TRPV3: variants seen among roughly 807,000 people sequenced by gnomAD.
TRPV3 encodes VRL-3.
A neutral mutation model predicts 87.1 loss-of-function variants in TRPV3; 88 were observed. The observed-to-expected ratio is 1.01, with a 90% CI of 0.85 to 1.21. The LOEUF (loss-of-function observed/expected upper bound fraction) is 1.21. Among genes scored for constraint, TRPV3 ranks in the 50% most tolerant of loss-of-function variants. TRPV3 has a pLI of 0.00. For synonymous variants in TRPV3, 438 were observed against 423.3 expected, an observed-to-expected ratio of 1.03 and a Z score of -0.43; for missense variants, 1,054 against 1,030.1, an observed-to-expected ratio of 1.02 and a Z score of -0.32.
rs2150775556 is a variant in TRPV3, at chr17:3,513,336, T to A, written c.*581A>T. On this transcript the variant is annotated 3_prime_UTR_variant, in exon 18 of 18. Coordinates refer to ENST00000576742, the MANE Select transcript of TRPV3 (RefSeq NM_145068.4). ...CAGGGGACGTTCACTCCAAGGATGGTCTCCTTTTCCCCGAAGGGTTCCGGA... is the reference window on the plus strand; with the variant it reads ...CAGGGGACGTTCACTCCAAGGATGGACTCCTTTTCCCCGAAGGGTTCCGGA... The A allele has an allele frequency of 6.5e-6, 1 of 152,904 alleles. No individual in the cohort carries two copies. The highest frequency in any genetic ancestry group is 6.5e-5 in the Admixed American group (1 of 15,312). 9.5% of individuals were successfully genotyped at this position (152,904 alleles called of 1,614,324 possible).
rs1354205516 is a variant in TRPV3, at chr17:3,532,856, AT to A, written c.865del (p.Ile289SerfsTer16). 1 of 1,614,212 alleles carries A rather than the reference AT, an allele frequency of 6.2e-7. No individual in the cohort carries two copies. The highest frequency in any genetic ancestry group is 2.2e-5 in the East Asian group (1 of 44,890). On this transcript the variant is annotated frameshift_variant, in exon 8 of 18. Coordinates refer to ENST00000576742, the MANE Select transcript of TRPV3 (RefSeq NM_145068.4). LOFTEE classifies it high-confidence loss of function. Reference sequence around the variant, plus strand: ...GTTGCCTCGTGAGTCCCGCGAGGTGATGTCCGTCTGCTCGTGCTCCATCAGC... The same window carrying A: ...GTTGCCTCGTGAGTCCCGCGAGGTGAGTCCGTCTGCTCGTGCTCCATCAGC... ...QLLMEHEQTDITSRDSRGNNI... is the reference protein window; with the variant it reads ...QLLMEHEQTDXTSRDSRGNNI...
intron 6 of TRPV3, among the ~76,000 whole-genome samples, chr17:3,541,991 G>A (rs1271089490): frequency 1.3e-5 from 2 of 151,922 alleles, no homozygotes; most frequent in Admixed American, 6.6e-5. Context: ...ATGGAGTCCC[G>A]CTCTGTCACT....
chr17:3,514,464 C>A, intron 17 of TRPV3, 129 bp downstream of exon 17: 1 of 685,576 alleles, frequency 1.5e-6, no homozygotes, highest in Non-Finnish European at 2.6e-6. Flanking sequence ...TGGAAGAGAC[C>A]TAAGAAGCAT....
rs1275300086 is a variant in TRPV3 at position 3,556,914 on chromosome 17, G to A, written c.-3+762C>T. Among the ~76,000 whole-genome samples the A allele has an allele frequency of 6.6e-6, 1 of 152,152 alleles. No homozygotes were observed. The highest frequency in any genetic ancestry group is 2.4e-5 in the African/African-American group (1 of 41,432). ...GAGACAGAAGAAGGGCACGTCTCTT[G>A]CCCCTCCCAGGGCCTCTGGTTTCCT... On this transcript the variant is annotated intron_variant, in intron 1 of 17. Transcript: ENST00000576742. The surrounding 1 kb of genome is among the most constrained non-coding windows in gnomAD (Gnocchi z 4.2).
At chr17:3,514,061 GTGTT>G (rs2074148968) in intron 17 of TRPV3, 50 bp from the exon 18 acceptor site, 2 of 1,441,410 alleles carry the variant, frequency 1.4e-6, no homozygotes, top group Non-Finnish European at 1.9e-6. Flanking sequence ...TCTGCATAGT[GTGTT>G]TCTTTTTTCT....
intron 13 of TRPV3, 131 bp from the exon 14 acceptor site, chr17:3,521,170 C>T (rs954061468): frequency 1.8e-4 from 83 of 473,416 alleles, no homozygotes; most frequent in Non-Finnish European, 2.8e-4. Flanking sequence ...CTCCCTTCCC[C>T]CAGCCAAATC....
rs1414969575 is a variant in TRPV3 at position 3,518,241 on chromosome 17, G to C, written c.2085+335C>G. Reference sequence around the variant, plus strand: ...GAAGTGTTCAGGCCAGGATAGAATAGAGCAGAACTGTCACCTCCACTGTCC... The same window carrying C: ...GAAGTGTTCAGGCCAGGATAGAATACAGCAGAACTGTCACCTCCACTGTCC... On this transcript the variant is annotated intron_variant, in intron 15 of 17. Coordinates refer to ENST00000576742, the MANE Select transcript of TRPV3 (RefSeq NM_145068.4). The surrounding 1 kb of genome is among the most constrained non-coding windows in gnomAD (Gnocchi z 4.3). 1.3e-5 allele frequency among the ~76,000 whole-genome samples: 2 copies of C among 152,152 alleles called. No individual in the cohort carries two copies. Among genetic ancestry groups the C allele is most frequent in the African/African-American group, 4.8e-5 (2 of 41,430 alleles).
intron 14 of TRPV3, among the ~76,000 whole-genome samples, chr17:3,519,850 C>CTGGATGGATGGATGGATGGA (rs61346728): frequency 9.3e-6 from 1 of 107,660 alleles, no homozygotes; most frequent in Non-Finnish European, 1.8e-5. Context: ...GGATGGATGA[C>CTGGATGGATGGATGGATGGA]TGGATGGATG....
intron 2 of TRPV3, among the ~76,000 whole-genome samples, chr17:3,549,948 T>C (rs766095344): frequency 6.8e-6 from 1 of 147,482 alleles, no homozygotes; most frequent in Non-Finnish European, 1.5e-5. Flanking sequence ...AGATGATGTA[T>C]GGATGGATGG....
chr17:3,531,964 C>T (rs1275928275), intron 8 of TRPV3, among the ~76,000 whole-genome samples: 2 of 152,156 alleles, frequency 1.3e-5, no homozygotes, highest in Non-Finnish European at 2.9e-5. Context: ...CCTCTGATGG[C>T]GTCCCAGGAG....
Position 3,532,750 on chromosome 17 carries a change from G to C in TRPV3, c.972C>G (p.Ile324Met), listed in dbSNP as rs1249466290. The C allele has an allele frequency of 1.9e-6, 3 of 1,614,274 alleles. No homozygotes were observed. Among genetic ancestry groups the C allele is most frequent in the Non-Finnish European group, 8.5e-7 (1 of 1,180,052 alleles). The change falls in exon 8 of 18, where the codon ATC (isoleucine) becomes ATG (methionine). Residue 324 changes from isoleucine (I) to methionine (M), a missense_variant. Coordinates refer to ENST00000576742, the MANE Select transcript of TRPV3 (RefSeq NM_145068.4). ...NDFVKRMYDM[I>M]LLRSGNWELE... ...GCTCCCAGTTGCCACTCCGCAGTAG[G>C]ATCATGTCGTACATGCGCTTCACAA...
chr17:3,541,658 A>ATGC (rs1567641645), intron 6 of TRPV3, among the ~76,000 whole-genome samples: 1 of 152,066 alleles, frequency 6.6e-6, no homozygotes, highest in East Asian at 1.9e-4. Flanking sequence ...GATGATGATG[A>ATGC]TGATGACAAC....
chr17:3,516,417 C>A, intron 16 of TRPV3, 40 bp downstream of exon 16: 2 of 1,543,320 alleles, frequency 1.3e-6, no homozygotes, highest in Non-Finnish European at 1.8e-6. Context: ...CTCTACCCAC[C>A]CCAAAGACCA....
intron 1 of TRPV3, among the ~76,000 whole-genome samples, chr17:3,555,167 CT>C (rs2074615670): frequency 6.6e-6 from 1 of 151,474 alleles, no homozygotes; most frequent in East Asian, 1.9e-4. Flanking sequence ...AGGTGGACCC[CT>C]GAACTAGTGG....
At position 3,526,880 on chromosome 17, in the gene TRPV3, G is replaced by A. The variant is rs2074304769; in HGVS notation, c.1551C>T (p.Leu517=). 6 of 1,612,082 alleles carry A rather than the reference G, an allele frequency of 3.7e-6. No individual in the cohort carries two copies. Among genetic ancestry groups the A allele is most frequent in the Non-Finnish European group, 5.1e-6 (6 of 1,179,314 alleles). ...AGACAAAGTGGAACCAGGCATCCGA[G>A]AGGATGGACTGCAGATCCGAGGGTC... ...LLRPSDLQSI[L]SDAWFHFVFF... The change falls in exon 12 of 18, where the codon CTC becomes CTT. Residue 517 remains leucine (L), a synonymous_variant. Coordinates refer to ENST00000576742, the MANE Select transcript of TRPV3 (RefSeq NM_145068.4).
Position 3,542,660 on chromosome 17 carries a change from TC to T in TRPV3, c.504del (p.Lys169ArgfsTer4). ...LMHKLTASDT[G>X]KTCLMKALLN... is the part of the protein sequence containing the mutation. ...AACAAGGCCTTCATCAGGCAGGTCT[TC>T]CCCGTGTCGGAGGCCGTCAGCTTGT... On this transcript the variant is annotated frameshift_variant, in exon 6 of 18. Transcript: ENST00000576742. LOFTEE classifies it high-confidence loss of function. The T allele has an allele frequency of 3.1e-6, 5 of 1,614,064 alleles. No homozygotes were observed. The highest frequency in any genetic ancestry group is 4.2e-6 in the Non-Finnish European group (5 of 1,180,010).
At chr17:3,542,466 C>T in intron 6 of TRPV3, 56 bp downstream of exon 6, 3 of 1,575,092 alleles carry the variant, frequency 1.9e-6, no homozygotes, top group Non-Finnish European at 2.6e-6. Flanking sequence ...GCCCTGTGGC[C>T]CCATACCCCA....
intron 6 of TRPV3, among the ~76,000 whole-genome samples, chr17:3,539,264 A>G (rs752643121): frequency 6.6e-6 from 1 of 152,190 alleles, no homozygotes; most frequent in Non-Finnish European, 1.5e-5. Flanking sequence ...TCAAAGGCCT[A>G]GAAAACTCCA....
chr17:3,521,104 C>T, intron 13 of TRPV3, 65 bp from the exon 14 acceptor site: 1 of 955,756 alleles, frequency 1.0e-6, no homozygotes, highest in Middle Eastern at 2.2e-4. Flanking sequence ...CCCTGATCTT[C>T]CTGCTTCCCA....
Sources: allele counts gnomAD v4.1 joint callset (sites outside exome capture counted in the v4.1 genomes callset), GRCh38; gene constraint gnomAD v4.1.1; non-coding constraint Gnocchi (gnomAD v3.1); transcripts MANE v1.5; gene names NCBI Gene and HGNC (gene_info 2026-07-23, HGNC 2026-07-21).